SLC25A48: variants seen among roughly 807,000 people sequenced by gnomAD.
SLC25A48 encodes CTC-321K16.1.
Under a neutral mutation model 32.2 loss-of-function variants are expected in SLC25A48, and 29 were observed. The ratio of observed to expected loss-of-function variants is 0.90; its 90% CI spans 0.67 to 1.23. The LOEUF (loss-of-function observed/expected upper bound fraction) is 1.23, where lower values mean the gene tolerates loss of function less well. Ranked by LOEUF, SLC25A48 falls within the 50% of genes most tolerant of loss-of-function variation. The pLI is 0.00. For missense variants in SLC25A48, 399 were observed against 422.7 expected, an observed-to-expected ratio of 0.94 and a Z score of 0.49; for synonymous variants, 164 against 172.3, an observed-to-expected ratio of 0.95 and a Z score of 0.38.
At chr5:135,712,531 C>T (rs926783064) in intron 3 of SLC25A48, among the ~76,000 whole-genome samples, 8 of 152,236 alleles carry the variant, frequency 5.3e-5, no homozygotes, top group Non-Finnish European at 1.0e-4. Flanking sequence ...CTCCAGCAGG[C>T]TTCCCCTGAG....
intron 4 of SLC25A48, among the ~76,000 whole-genome samples, chr5:135,870,683 A>G (rs1026745321): frequency 2.0e-5 from 3 of 152,118 alleles, no homozygotes; most frequent in Non-Finnish European, 4.4e-5. Context: ...TCCTGCCACC[A>G]ATTCATGTCA....
intron 3 of SLC25A48, among the ~76,000 whole-genome samples, chr5:135,801,157 G>C (rs961347857): frequency 6.6e-6 from 1 of 150,932 alleles, no homozygotes; most frequent in African/African-American, 2.4e-5. Flanking sequence ...ATCACAGAAG[G>C]TGTATACCCT....
intron 4 of SLC25A48, among the ~76,000 whole-genome samples, chr5:135,829,368 G>A (rs78207093): frequency 0.025 from 3,762 of 152,178 alleles, 147 homozygotes; most frequent in African/African-American, 0.085. Context: ...TCAGTCAGGC[G>A]GACAGCAGCA....
At chr5:135,600,809 A>G (rs559778217) in intron 1 of SLC25A48, among the ~76,000 whole-genome samples, 1 of 149,782 alleles carries the variant, frequency 6.7e-6, no homozygotes, top group Admixed American at 6.6e-5. Flanking sequence ...CAGCCTCCCG[A>G]GCAGCTGGGA....
intron 4 of SLC25A48, among the ~76,000 whole-genome samples, chr5:135,853,942 G>T (rs769978245): frequency 6.6e-6 from 1 of 152,194 alleles, no homozygotes; most frequent in African/African-American, 2.4e-5. Context: ...ACGGGCTGCC[G>T]AATGGATGCT....
intron 3 of SLC25A48, 106 bp from the exon 4 acceptor site, chr5:135,852,457 C>A: frequency 7.3e-7 from 1 of 1,376,424 alleles, no homozygotes; most frequent in Non-Finnish European, 9.9e-7. Flanking sequence ...CCCCTCTCTT[C>A]ATGGACACAT....
intron 7 of SLC25A48, among the ~76,000 whole-genome samples, chr5:135,881,979 G>A (rs916417016): frequency 7.2e-5 from 11 of 152,168 alleles, no homozygotes; most frequent in African/African-American, 1.4e-4. Context: ...CCAACCTGTC[G>A]TACCTGCCAC....
rs1342276913 is a variant in SLC25A48 at position 135,629,586 on chromosome 5, G to A, written c.-709+210G>A. Among the ~76,000 whole-genome samples the A allele has an allele frequency of 5.3e-5, 8 of 152,222 alleles. No individual in the cohort carries two copies. Among genetic ancestry groups the A allele is most frequent in the Non-Finnish European group, 1.0e-4 (7 of 68,030 alleles). On this transcript the variant is annotated intron_variant, in intron 2 of 10. Transcript: ENST00000646290. The surrounding 1 kb of genome is among the most constrained non-coding windows in gnomAD (Gnocchi z 4.8). ...TGGAGTGAGGAAGTAAGAGATGGAAGGGAAAGAAGCCGATAAAAGATGTGT... is the reference window on the plus strand; with the variant it reads ...TGGAGTGAGGAAGTAAGAGATGGAAAGGAAAGAAGCCGATAAAAGATGTGT...
At chr5:135,709,262 A>C (rs1754595723) in intron 3 of SLC25A48, among the ~76,000 whole-genome samples, 1 of 152,222 alleles carries the variant, frequency 6.6e-6, no homozygotes, top group African/African-American at 2.4e-5. Context: ...CTGGGAAGGA[A>C]CTGGAATTGG....
At chr5:135,679,921 G>A (rs1753855352) in intron 3 of SLC25A48, among the ~76,000 whole-genome samples, 1 of 152,088 alleles carries the variant, frequency 6.6e-6, no homozygotes, top group Admixed American at 6.5e-5. Flanking sequence ...TACCCCCTAG[G>A]TTAGTCTAGG....
chr5:135,888,086 GC>G lies in SLC25A48; in HGVS notation c.*65del, dbSNP rs1261423479. ...CCTGGGCCTCATCTCTGCATGTGAA[GC>G]CCTGAGAGCTGCAGATGTTTGGCCT... On this transcript the variant is annotated 3_prime_UTR_variant, in exon 8 of 8. Transcript: ENST00000681962. The G allele has an allele frequency of 1.9e-6, 3 of 1,551,428 alleles. No individual in the cohort carries two copies. The East Asian group carries it at 7.3e-5, about 38-fold the overall frequency.
At chr5:135,723,339 C>G (rs13190526) in intron 3 of SLC25A48, among the ~76,000 whole-genome samples, 44,707 of 150,632 alleles carry the variant, frequency 0.3, 6,766 homozygotes, top group East Asian at 0.47. Flanking sequence ...GAATGGTATC[C>G]AGTGGAAGGG....
chr5:135,793,926 G>A lies in SLC25A48; in HGVS notation c.-520-18597G>A, dbSNP rs146790711. On this transcript the variant is annotated intron_variant, in intron 3 of 10. Coordinates refer to the SLC25A48 transcript ENST00000646290. ...GTGTGTACAACCTGGGATATTATTC[G>A]TAATATTCTGGAGAGGTAACACAGT... 6.7e-3 allele frequency among the ~76,000 whole-genome samples: 995 copies of A among 147,908 alleles called. 5 individuals carry two copies. The highest frequency in any genetic ancestry group is 0.022 in the African/African-American group (892 of 39,780).
At chr5:135,850,819 G>A (rs182478604) in intron 3 of SLC25A48, among the ~76,000 whole-genome samples, 5 of 152,324 alleles carry the variant, frequency 3.3e-5, no homozygotes. Context: ...AAAGGAATGA[G>A]TGACTGGCAA....
At chr5:135,620,452 T>C (rs1426438128) in intron 1 of SLC25A48, among the ~76,000 whole-genome samples, 1 of 152,168 alleles carries the variant, frequency 6.6e-6, no homozygotes, top group Non-Finnish European at 1.5e-5. Context: ...TGTCCGTGTT[T>C]AGTCCTAGTC....
At chr5:135,659,327 C>G (rs1021507547) in intron 3 of SLC25A48, among the ~76,000 whole-genome samples, 7 of 152,330 alleles carry the variant, frequency 4.6e-5, no homozygotes, top group Admixed American at 4.6e-4. Context: ...CTGCCAATCT[C>G]TTTGCTAAAG....
At chr5:135,858,034 T>C (rs889602570) in intron 4 of SLC25A48, among the ~76,000 whole-genome samples, 4 of 152,126 alleles carry the variant, frequency 2.6e-5, no homozygotes, top group Non-Finnish European at 4.4e-5. Flanking sequence ...TGTCTCAGGA[T>C]AGGTAAGATT....
chr5:135,804,766 C>G (rs763176648), intron 3 of SLC25A48, among the ~76,000 whole-genome samples: 1 of 151,646 alleles, frequency 6.6e-6, no homozygotes, highest in Non-Finnish European at 1.5e-5. Flanking sequence ...TAAGTGTACA[C>G]CCTGTGAAAA....
chr5:135,830,739 C>A (rs1041281669), upstream of SLC25A48, among the ~76,000 whole-genome samples: 1 of 152,186 alleles, frequency 6.6e-6, no homozygotes, highest in South Asian at 2.1e-4. Flanking sequence ...GCAGCTGGGG[C>A]AAACACTCAA....
Sources: allele counts gnomAD v4.1 joint callset (sites outside exome capture counted in the v4.1 genomes callset), GRCh38; gene constraint gnomAD v4.1.1; non-coding constraint Gnocchi (gnomAD v3.1); transcripts MANE v1.5; gene names NCBI Gene and HGNC (gene_info 2026-07-23, HGNC 2026-07-21).